The following WDR35 variants were observed in gnomAD, a reference collection of about 807,000 sequenced individuals.
The protein encoded by WDR35 is WD repeat-containing protein 35.
A neutral mutation model predicts 158.3 loss-of-function variants in WDR35; 118 were observed. The observed-to-expected ratio is 0.75, with a 90% CI of 0.64 to 0.87. WDR35 has a LOEUF of 0.87. WDR35 is among the 40% of genes least tolerant of loss of function. The pLI is 0.00. For missense variants in WDR35, 1,263 were observed against 1,405.8 expected (o/e 0.90, Z 1.62); for synonymous variants, 448 against 476.1 (o/e 0.94, Z 0.77).
intron 24 of WDR35, among the ~76,000 whole-genome samples, chr2:19,930,780 T>A (rs1210725016): frequency 6.6e-6 from 1 of 152,160 alleles, no homozygotes; most frequent in East Asian, 1.9e-4. Flanking sequence ...ACTCAAGTGA[T>A]CCTCCCACCT....
intron 11 of WDR35, among the ~76,000 whole-genome samples, chr2:19,959,750 G>GA (rs956122963): frequency 3.0e-4 from 45 of 149,864 alleles, no homozygotes; most frequent in Non-Finnish European, 5.2e-4. Context: ...TGTCCAATAT[G>GA]AAAAAAAAAT....
At chr2:19,933,699 C>T (rs1670598181) in intron 21 of WDR35, among the ~76,000 whole-genome samples, 188 bp from the exon 22 acceptor site, 1 of 152,262 alleles carries the variant, frequency 6.6e-6, no homozygotes, top group South Asian at 2.1e-4. Context: ...TCTATAAATC[C>T]AGAGCTTCAC....
chr2:19,948,044 C>T, intron 14 of WDR35, 120 bp downstream of exon 14: 1 of 766,742 alleles, frequency 1.3e-6, no homozygotes, highest in Non-Finnish European at 2.1e-6. Flanking sequence ...CTCAAGCAAT[C>T]CTCCTGCTTC....
rs764516241 is a variant in WDR35 at position 19,931,252 on chromosome 2, T to C, written c.2964+17A>G. The C allele has an allele frequency of 2.4e-5, 38 of 1,612,262 alleles. No homozygotes were observed. The highest frequency in any genetic ancestry group is 3.1e-5 in the Non-Finnish European group (37 of 1,179,532). ...AACACTTCCAATGATGTAATGTTAT[T>C]TAACGTGCTACTTTACCTCTGAACT... On this transcript the variant is annotated intron_variant, in intron 24 of 26. Transcript: ENST00000281405.
rs1052762728 is a variant in WDR35 at position 19,912,843 on chromosome 2, C to T, written c.*715G>A. 1 of 152,194 alleles carries T rather than the reference C, an allele frequency of 6.6e-6. No individual in the cohort carries two copies. The highest frequency in any genetic ancestry group is 1.5e-5 in the Non-Finnish European group (1 of 68,022). The allele number at this position is 152,194 out of a possible 1,614,324, so 9.4% of individuals were successfully genotyped here. On this transcript the variant is annotated 3_prime_UTR_variant, in exon 27 of 27. Transcript: ENST00000281405. ...CTTAGTGACAATGTTTCAACAGAAGCTATAACTACAAAATGGATATTTCTG... is the reference window on the plus strand; with the variant it reads ...CTTAGTGACAATGTTTCAACAGAAGTTATAACTACAAAATGGATATTTCTG...
chr2:19,973,845 C>T lies in WDR35; in HGVS notation c.737-137G>A, dbSNP rs1287795394. The T allele has an allele frequency of 5.5e-5, 68 of 1,231,358 alleles. 1 individual carries two copies. Among genetic ancestry groups the T allele is most frequent in the South Asian group, 1.4e-4 (10 of 73,140 alleles). The allele number at this position is 1,231,358 out of a possible 1,614,324, so 76.3% of individuals were successfully genotyped here. A position where few individuals can be genotyped will look rare whatever the true frequency, so the allele number is the denominator to read the frequency against. On this transcript the variant is annotated intron_variant, in intron 7 of 26. Coordinates refer to ENST00000281405, the MANE Select transcript of WDR35 (RefSeq NM_020779.4). Reference sequence around the variant, plus strand: ...AAACAGGGCTGGGTACAACGGCTCACGCCTATAATCCCAACACTTTAGGAG... The same window carrying T: ...AAACAGGGCTGGGTACAACGGCTCATGCCTATAATCCCAACACTTTAGGAG...
intron 4 of WDR35, among the ~76,000 whole-genome samples, chr2:19,979,379 C>CA (rs997687384): frequency 6.6e-6 from 1 of 151,756 alleles, no homozygotes; most frequent in African/African-American, 2.4e-5. Flanking sequence ...AGAATGAAGG[C>CA]AAAAAAATAC....
chr2:19,989,472 GAAAGAAGTGCACA>G (rs1206860174), intron 1 of WDR35, among the ~76,000 whole-genome samples, 190 bp from the exon 2 acceptor site: 1 of 152,212 alleles, frequency 6.6e-6, no homozygotes, highest in African/African-American at 2.4e-5. Context: ...GGGAAAGAGG[GAAAGAAGTGCACA>G]AAAGAGAAGG....
chr2:19,929,294 T>G (rs1260297904), intron 25 of WDR35, among the ~76,000 whole-genome samples: 2 of 152,190 alleles, frequency 1.3e-5, no homozygotes, highest in Non-Finnish European at 2.9e-5. Flanking sequence ...TCCAGAAATA[T>G]TCAAATAAAA....
At chr2:19,966,512 T>C (rs984682203) in intron 10 of WDR35, among the ~76,000 whole-genome samples, 4 of 152,134 alleles carry the variant, frequency 2.6e-5, no homozygotes, top group East Asian at 1.9e-4. Flanking sequence ...TCAGTATGAA[T>C]TGCCATAAGA....
At chr2:19,935,324 TA>T in intron 21 of WDR35, 146 bp downstream of exon 21, 1 of 823,958 alleles carries the variant, frequency 1.2e-6, no homozygotes, top group South Asian at 2.2e-5. Context: ...TATATTACTT[TA>T]TAATTAAAAG....
intron 11 of WDR35, among the ~76,000 whole-genome samples, chr2:19,959,423 T>A (rs1671557825): frequency 6.6e-6 from 1 of 152,064 alleles, no homozygotes; most frequent in Non-Finnish European, 1.5e-5. Context: ...GATGAGAGTC[T>A]GTTAATAATT....
chr2:19,917,409 A>G (rs1670023685), intron 25 of WDR35, among the ~76,000 whole-genome samples: 1 of 152,226 alleles, frequency 6.6e-6, no homozygotes, highest in African/African-American at 2.4e-5. Flanking sequence ...TAACTGACAG[A>G]AGCAGGCTTC....
chr2:19,932,135 C>A, intron 23 of WDR35, 148 bp downstream of exon 23: 1 of 991,126 alleles, frequency 1.0e-6, no homozygotes, highest in Non-Finnish European at 1.5e-6. Context: ...GGCAATAATA[C>A]TAAAATAATG....
chr2:19,945,076 G>A (rs946821497), intron 16 of WDR35, among the ~76,000 whole-genome samples: 4 of 152,058 alleles, frequency 2.6e-5, no homozygotes, highest in Admixed American at 1.3e-4. Flanking sequence ...GTTTTGATTA[G>A]GTTACCACTC....
At chr2:19,921,794 C>T (rs1662176037) in intron 25 of WDR35, among the ~76,000 whole-genome samples, 1 of 151,688 alleles carries the variant, frequency 6.6e-6, no homozygotes. Context: ...AACTGGCAAC[C>T]TACAGAAAAT....
Position 19,938,251 on chromosome 2 carries a change from C to CT in WDR35, c.2063+13dup. The CT allele has an allele frequency of 2.5e-6, 4 of 1,613,922 alleles. No homozygotes were observed. The highest frequency in any genetic ancestry group is 3.4e-6 in the Non-Finnish European group (4 of 1,179,960). On this transcript the variant is annotated intron_variant, in intron 18 of 26. Transcript: ENST00000281405. Reference sequence around the variant, plus strand: ...ACACCTGACATCCTGGGAGAGTTTGCTTTTTTTAAATACCAAAGTCGGGGG... The same window carrying CT: ...ACACCTGACATCCTGGGAGAGTTTGCTTTTTTTTAAATACCAAAGTCGGGGG...
intron 13 of WDR35, 72 bp from the exon 14 acceptor site, chr2:19,948,289 T>C (rs1671122073): frequency 1.5e-6 from 2 of 1,339,954 alleles, no homozygotes; most frequent in Admixed American, 3.6e-5. Context: ...CAACGTAGTA[T>C]GCAATTCACT....
At chr2:19,984,793 G>T (rs1037259941) in intron 2 of WDR35, among the ~76,000 whole-genome samples, 1 of 152,220 alleles carries the variant, frequency 6.6e-6, no homozygotes, top group African/African-American at 2.4e-5. Flanking sequence ...CATAAAAGTT[G>T]TCAGCAGCCC....
Sources: gnomAD v4.1 joint callset for allele counts (sites outside exome capture counted in the v4.1 genomes callset) on GRCh38, gnomAD v4.1.1 for gene constraint, MANE v1.5 for transcripts, NCBI Gene and HGNC (gene_info 2026-07-23, HGNC 2026-07-21) for gene names.